Variants in PTK2 observed in about 807,000 individuals in gnomAD.
PTK2 encodes protein tyrosine kinase 2, also known as focal adhesion kinase 1.
Under a neutral mutation model 150.1 loss-of-function variants are expected in PTK2, and 45 were observed. The ratio of observed to expected loss-of-function variants is 0.30; its 90% CI spans 0.24 to 0.38. The LOEUF is 0.38. PTK2 is among the 10% of genes least tolerant of loss of function. The pLI, the probability that PTK2 is intolerant of heterozygous loss-of-function variation, is 1.00. For synonymous variants in PTK2, 432 were observed against 449.2 expected (o/e 0.96, Z 0.48); for missense variants, 919 against 1,307.3 (o/e 0.70, Z 4.58).
intron 27 of PTK2, among the ~76,000 whole-genome samples, chr8:140,681,340 G>A (rs1459819151): frequency 2.7e-5 from 4 of 148,470 alleles, no homozygotes; most frequent in Non-Finnish European, 3.0e-5. Context: ...GTGACAGCGC[G>A]AGACTCCGTC....
At chr8:140,661,446 T>C (rs1280593980) in intron 31 of PTK2, among the ~76,000 whole-genome samples, 1 of 152,138 alleles carries the variant, frequency 6.6e-6, no homozygotes, top group Non-Finnish European at 1.5e-5. Context: ...TGCAAGTGCA[T>C]GGTGTTGTCA....
chr8:140,969,466 T>C (rs2100186471), intron 1 of PTK2, among the ~76,000 whole-genome samples: 1 of 152,242 alleles, frequency 6.6e-6, no homozygotes, highest in Non-Finnish European at 1.5e-5. Context: ...AGATTACCAA[T>C]GACCTCAATA....
At chr8:140,759,530 TAAAA>T (rs761643170) in intron 16 of PTK2, among the ~76,000 whole-genome samples, 3 of 58,064 alleles carry the variant, frequency 5.2e-5, no homozygotes, top group African/African-American at 7.9e-5. Context: ...GACCCTGTCC[TAAAA>T]AAAAAAAAAA....
chr8:140,685,611 A>G (rs1395456243), intron 27 of PTK2, among the ~76,000 whole-genome samples: 1 of 152,236 alleles, frequency 6.6e-6, no homozygotes, highest in East Asian at 1.9e-4. Context: ...AAGATGACAT[A>G]AACATGGCCA....
At chr8:140,677,848 G>A (rs375238633) in intron 27 of PTK2, among the ~76,000 whole-genome samples, 7 of 152,278 alleles carry the variant, frequency 4.6e-5, no homozygotes, top group Middle Eastern at 3.4e-3. Context: ...TTGAACATCC[G>A]CTTTGTTCTA....
chr8:140,909,481 A>T (rs1322899607), intron 2 of PTK2: 1 of 152,208 alleles, frequency 6.6e-6, no homozygotes, highest in Non-Finnish European at 1.5e-5. Context: ...ATTTTACAGA[A>T]CTAGCACATA....
At chr8:140,991,812 C>T (rs1229542567) in intron 1 of PTK2, among the ~76,000 whole-genome samples, 1 of 152,034 alleles carries the variant, frequency 6.6e-6, no homozygotes, top group Non-Finnish European at 1.5e-5. Flanking sequence ...AATTCAAGAC[C>T]AGCCCTGGCA....
In PTK2 at chr8:140,845,316, T is replaced by C. The variant is rs555773705; in HGVS notation, c.593+944A>G. Among the ~76,000 whole-genome samples, 41 of 152,206 alleles carry C rather than the reference T, an allele frequency of 2.7e-4. No individual in the cohort carries two copies. The South Asian group carries it at 4.4e-3, about 16-fold the overall frequency. ...TGGTCCCTGTATACATACCCCTCTCTCCCTCATAAGAATGGTATTCTATCT... is the reference window on the plus strand; with the variant it reads ...TGGTCCCTGTATACATACCCCTCTCCCCCTCATAAGAATGGTATTCTATCT... On this transcript the variant is annotated intron_variant, in intron 7 of 31. Coordinates refer to ENST00000522684, the Ensembl canonical transcript of PTK2.
chr8:140,990,215 T>G (rs1336594580), intron 1 of PTK2, among the ~76,000 whole-genome samples: 1 of 149,994 alleles, frequency 6.7e-6, no homozygotes, highest in African/African-American at 2.4e-5. Context: ...AGTTATAACT[T>G]TAACTCTCCT....
chr8:140,756,763 G>A (rs1250778413), intron 16 of PTK2, among the ~76,000 whole-genome samples: 1 of 151,564 alleles, frequency 6.6e-6, no homozygotes, highest in Non-Finnish European at 1.5e-5. Context: ...GCAGAGGCAG[G>A]TGGATCACGA....
intron 5 of PTK2, among the ~76,000 whole-genome samples, chr8:140,860,645 T>C (rs1470552539): frequency 6.6e-6 from 1 of 152,168 alleles, no homozygotes; most frequent in Non-Finnish European, 1.5e-5. Context: ...GCTAATCTTT[T>C]TATTTTTAGT....
intron 15 of PTK2, among the ~76,000 whole-genome samples, chr8:140,761,797 A>G (rs1000051061): frequency 2.6e-5 from 4 of 152,116 alleles, no homozygotes; most frequent in Non-Finnish European, 5.9e-5. Flanking sequence ...TGGAGCTAAA[A>G]GAGTTTAAAG....
chr8:140,856,052 T>C (rs948667811), intron 5 of PTK2, among the ~76,000 whole-genome samples: 5 of 152,176 alleles, frequency 3.3e-5, no homozygotes, highest in Non-Finnish European at 7.3e-5. Context: ...CCTACTAACA[T>C]TCAATATGCA....
chr8:140,771,846 T>A (rs1435035764), intron 14 of PTK2, among the ~76,000 whole-genome samples: 2 of 151,368 alleles, frequency 1.3e-5, no homozygotes, highest in African/African-American at 4.9e-5. Flanking sequence ...AATGGCACGA[T>A]CTTGGCTCAC....
intron 31 of PTK2, among the ~76,000 whole-genome samples, 183 bp downstream of exon 35, chr8:140,664,734 C>A (rs1172731012): frequency 6.6e-6 from 1 of 152,170 alleles, no homozygotes; most frequent in South Asian, 2.1e-4. Flanking sequence ...CACCCCTATG[C>A]CCTAGAATGA....
At chr8:140,737,644 T>C (rs1240226141) in intron 21 of PTK2, among the ~76,000 whole-genome samples, 2 of 152,166 alleles carry the variant, frequency 1.3e-5, no homozygotes, top group African/African-American at 2.4e-5. Context: ...GTAACAACAA[T>C]ATTAACAAAA....
chr8:140,929,708 T>C (rs1030935443), intron 1 of PTK2, among the ~76,000 whole-genome samples: 6 of 151,662 alleles, frequency 4.0e-5, no homozygotes, highest in Admixed American at 1.3e-4. Flanking sequence ...ATTTCAAGTA[T>C]CCTAAAACTT....
At chr8:140,698,332 A>G (rs1482980459) in intron 26 of PTK2, among the ~76,000 whole-genome samples, 2 of 152,248 alleles carry the variant, frequency 1.3e-5, no homozygotes, top group Non-Finnish European at 2.9e-5. Flanking sequence ...TCTGTCTGGT[A>G]AAAGAGGCTA....
chr8:140,675,269 C>A (rs1225925749), intron 28 of PTK2, among the ~76,000 whole-genome samples, 191 bp downstream of exon 31: 1 of 151,120 alleles, frequency 6.6e-6, no homozygotes, highest in East Asian at 2.0e-4. Context: ...ATTTCTGATG[C>A]ATTATACCAA....
Sources: gnomAD v4.1 joint callset for allele counts (sites outside exome capture counted in the v4.1 genomes callset) on GRCh38, gnomAD v4.1.1 for gene constraint, MANE v1.5 for transcripts, NCBI Gene and HGNC (gene_info 2026-07-23, HGNC 2026-07-21) for gene names.